The following RYR2 variants were observed in gnomAD, a reference collection of about 807,000 sequenced individuals.
RYR2 encodes the protein ryanodine receptor 2, also known as cardiac muscle ryanodine receptor-calcium release channel.
A neutral mutation model predicts 601.1 loss-of-function variants in RYR2; 227 were observed. That is an observed-to-expected ratio of 0.38 (90% CI 0.34 to 0.42). RYR2 has a LOEUF of 0.42. Ranked by LOEUF, RYR2 falls within the 10% of genes least tolerant of loss-of-function variation. The pLI, the probability that RYR2 is intolerant of heterozygous loss-of-function variation, is 1.00. For missense variants in RYR2, 4,646 were observed against 6,156.5 expected (o/e 0.75, Z 8.21); for synonymous variants, 2,223 against 2,175.1 (o/e 1.02, Z -0.61).
At position 237,784,349 on chromosome 1, in the gene RYR2, G is replaced by A. The variant is rs1695373966; in HGVS notation, c.12637G>A (p.Glu4213Lys). The A allele has an allele frequency of 3.7e-6, 6 of 1,613,908 alleles. No individual in the cohort carries two copies. The highest frequency in any genetic ancestry group is 5.1e-6 in the Non-Finnish European group (6 of 1,179,870). ...TCAGATCTCGGAGTCGGACTTGAAC[G>A]AGAGGTCAGCGAATAAGGAAGAAAG... is the stretch of plus-strand genomic sequence containing the variant. ...AAQISESDLNERSANKEESEK... is the reference protein window; with the variant it reads ...AAQISESDLNKRSANKEESEK... Residue 4213 changes from glutamate to lysine, a missense_variant, in exon 90 of 105, where the codon GAG (glutamate) becomes AAG (lysine). By Grantham distance (56) the Glu-to-Lys change is moderately conservative. Transcript: ENST00000366574. The surrounding 1 kb of genome is among the most constrained non-coding windows in gnomAD (Gnocchi z 7.1).
chr1:237,165,679 C>G (rs965867230), intron 1 of RYR2, among the ~76,000 whole-genome samples: 1 of 152,064 alleles, frequency 6.6e-6, no homozygotes, highest in African/African-American at 2.4e-5. Context: ...GCTTGGGTAT[C>G]ATAGTGATAA....
intron 1 of RYR2, among the ~76,000 whole-genome samples, chr1:237,101,323 A>T (rs1668082394): frequency 6.6e-6 from 1 of 151,146 alleles, no homozygotes; most frequent in Admixed American, 6.6e-5. Context: ...AAAAAAAAAA[A>T]ACCTCACAAA....
chr1:237,156,615 C>A (rs558858279), intron 1 of RYR2, among the ~76,000 whole-genome samples: 2 of 152,110 alleles, frequency 1.3e-5, no homozygotes, highest in Non-Finnish European at 2.9e-5. Flanking sequence ...AGGGATGGGA[C>A]CATATTTGTA....
intron 11 of RYR2, 123 bp from the exon 12 acceptor site, chr1:237,422,969 C>A (rs1705748052): frequency 1.8e-6 from 2 of 1,105,444 alleles, no homozygotes; most frequent in Non-Finnish European, 1.3e-6. Flanking sequence ...TCACTAATAT[C>A]CTAAGTTTTT....
chr1:237,617,546 C>A, intron 38 of RYR2, 60 bp downstream of exon 38: 1 of 1,511,818 alleles, frequency 6.6e-7, no homozygotes, highest in African/African-American at 1.4e-5. Flanking sequence ...TTCAGGATCT[C>A]TGCCTTGCAA....
chr1:237,206,311 G>A (rs969032065), intron 1 of RYR2, among the ~76,000 whole-genome samples: 11 of 152,126 alleles, frequency 7.2e-5, no homozygotes, highest in African/African-American at 2.4e-4. Flanking sequence ...CCTGAAACTC[G>A]GCCGAACATG....
intron 12 of RYR2, among the ~76,000 whole-genome samples, chr1:237,423,865 T>C (rs1310540481): frequency 6.6e-6 from 1 of 152,150 alleles, no homozygotes; most frequent in Non-Finnish European, 1.5e-5. Context: ...ACTGGGTGAT[T>C]TATAATGAAA....
chr1:237,407,270 A>C (rs1703988930), intron 10 of RYR2, among the ~76,000 whole-genome samples: 2 of 152,202 alleles, frequency 1.3e-5, no homozygotes, highest in African/African-American at 4.8e-5. Flanking sequence ...ATTAATATTT[A>C]CATGCAAGTT....
intron 36 of RYR2, among the ~76,000 whole-genome samples, chr1:237,612,935 A>G (rs1678049907): frequency 6.6e-6 from 1 of 152,244 alleles, no homozygotes. Flanking sequence ...ATGTATAAAA[A>G]TGTGTCACTG....
intron 1 of RYR2, among the ~76,000 whole-genome samples, chr1:237,102,284 C>T (rs951423908): frequency 7.9e-5 from 12 of 152,044 alleles, no homozygotes; most frequent in African/African-American, 2.9e-4. Context: ...TGTTTACAGG[C>T]GAGGTGCTGG....
Position 237,781,603 on chromosome 1 carries a change from T to G in RYR2, c.11919T>G (p.Asp3973Glu), listed in dbSNP as rs370103782. Residue 3973 changes from aspartate to glutamate, a missense_variant, in exon 89 of 105, where the codon GAT becomes GAG. By Grantham distance (45) the Asp-to-Glu change is conservative (BLOSUM62 2). Coordinates refer to ENST00000366574, the MANE Select transcript of RYR2 (RefSeq NM_001035.3). ...TTGAGCTATTAAAAGAATTAATGGA[T>G]CTGCAGAAGGATATGGTGGTCATGT... The part of the protein sequence containing the change: ...SQIELLKELM[D>E]LQKDMVVMLL... The G allele has an allele frequency of 5.0e-6, 8 of 1,595,300 alleles. No individual in the cohort carries two copies. Among genetic ancestry groups the G allele is most frequent in the African/African-American group, 2.7e-5 (2 of 74,620 alleles).
intron 1 of RYR2, among the ~76,000 whole-genome samples, chr1:237,086,311 T>G (rs768095378): frequency 1.3e-5 from 2 of 152,128 alleles, no homozygotes; most frequent in Non-Finnish European, 2.9e-5. Context: ...TGTCCTAATC[T>G]CTTCTTCTTC....
At position 237,367,958 on chromosome 1, in the gene RYR2, A is replaced by G. The variant is rs182874439; in HGVS notation, c.310-1576A>G. Among the ~76,000 whole-genome samples, 259 of 152,288 alleles carry G rather than the reference A, an allele frequency of 1.7e-3. 5 individuals are homozygous for G. Among genetic ancestry groups the G allele is most frequent in the Non-Finnish European group, 2.8e-4 (19 of 68,026 alleles). On this transcript the variant is annotated intron_variant, in intron 5 of 104. Coordinates refer to ENST00000366574, the MANE Select transcript of RYR2 (RefSeq NM_001035.3). ...AATCAGGACAGCGTCATTGTCCTTCAGGAGTTTTCAGTCTGATCAAGGGGA... is the reference window on the plus strand; with the variant it reads ...AATCAGGACAGCGTCATTGTCCTTCGGGAGTTTTCAGTCTGATCAAGGGGA...
At chr1:237,511,611 T>G (rs1665907424) in intron 23 of RYR2, 77 bp from the exon 24 acceptor site, 1 of 1,169,038 alleles carries the variant, frequency 8.6e-7, no homozygotes. Context: ...GCCTCCACTT[T>G]CTACCACACA....
intron 1 of RYR2, among the ~76,000 whole-genome samples, chr1:237,072,062 C>T (rs1664418021): frequency 6.6e-6 from 1 of 152,224 alleles, no homozygotes; most frequent in South Asian, 2.1e-4. Flanking sequence ...CCTGGGCCCC[C>T]AAGAGCACAT....
chr1:237,218,286 T>A (rs1329596624), intron 1 of RYR2, among the ~76,000 whole-genome samples: 2 of 152,226 alleles, frequency 1.3e-5, no homozygotes, highest in Admixed American at 6.5e-5. Context: ...TATATCTCGA[T>A]GTGCATAGCT....
At chr1:237,590,350 A>G (rs1675016819) in intron 30 of RYR2, among the ~76,000 whole-genome samples, 1 of 152,182 alleles carries the variant, frequency 6.6e-6, no homozygotes, top group Admixed American at 6.6e-5. Context: ...CGTTACAAGT[A>G]GCTTGTTAGA....
At chr1:237,315,504 C>T (rs7547909) in intron 2 of RYR2, among the ~76,000 whole-genome samples, 13,548 of 151,820 alleles carry the variant, frequency 0.089, 1,202 homozygotes, top group African/African-American at 0.23. Context: ...TTTGGTGGTC[C>T]ATTTGCAATG....
intron 1 of RYR2, among the ~76,000 whole-genome samples, chr1:237,169,492 G>T (rs1440044315): frequency 6.6e-6 from 1 of 151,404 alleles, no homozygotes; most frequent in African/African-American, 2.4e-5. Flanking sequence ...TAGACACAGG[G>T]TTTCACCATA....
Sources: allele counts gnomAD v4.1 joint callset (sites outside exome capture counted in the v4.1 genomes callset), GRCh38; gene constraint gnomAD v4.1.1; non-coding constraint Gnocchi (gnomAD v3.1); transcripts MANE v1.5; gene names NCBI Gene and HGNC (gene_info 2026-07-23, HGNC 2026-07-21).